Variants in APBB2 observed in about 807,000 individuals in gnomAD.
APBB2 encodes amyloid beta precursor protein binding family B member 2, also known as Fe65-like 1.
A neutral mutation model predicts 82.5 loss-of-function variants in APBB2; 38 were observed. The ratio of observed to expected loss-of-function variants is 0.46; its 90% CI spans 0.36 to 0.60. The LOEUF is 0.60. Ranked by LOEUF, APBB2 falls within the 20% of genes least tolerant of loss-of-function variation. APBB2 has a pLI of 0.00. For synonymous variants in APBB2, 341 were observed against 368.2 expected (o/e 0.93, Z 0.85); for missense variants, 772 against 972.3 (o/e 0.79, Z 2.74).
At chr4:41,099,922 C>T (rs1744792817) in intron 3 of APBB2, among the ~76,000 whole-genome samples, 1 of 151,934 alleles carries the variant, frequency 6.6e-6, no homozygotes, top group Admixed American at 6.6e-5. Context: ...CATTTGGTCA[C>T]TCATAATTCC....
intron 5 of APBB2, among the ~76,000 whole-genome samples, chr4:41,016,066 T>C (rs567621063): frequency 3.3e-5 from 5 of 151,238 alleles, no homozygotes; most frequent in East Asian, 3.9e-4. Context: ...ACATGAAGTT[T>C]TCCCTGAGAC....
intron 12 of APBB2, among the ~76,000 whole-genome samples, chr4:40,843,659 G>A (rs1756641729): frequency 6.6e-6 from 1 of 152,174 alleles, no homozygotes; most frequent in Admixed American, 6.5e-5. Flanking sequence ...AGTACTGAAG[G>A]AAAGCCATTG....
At chr4:40,932,626 T>C (rs1784470898) in intron 10 of APBB2, among the ~76,000 whole-genome samples, 1 of 151,968 alleles carries the variant, frequency 6.6e-6, no homozygotes, top group Non-Finnish European at 1.5e-5. Context: ...AGATTCTTTC[T>C]CTCTCCATGG....
At chr4:40,955,852 T>C (rs1228482839) in intron 6 of APBB2, among the ~76,000 whole-genome samples, 1 of 152,108 alleles carries the variant, frequency 6.6e-6, no homozygotes, top group Non-Finnish European at 1.5e-5. Flanking sequence ...CTCGGCTCAA[T>C]GCAACCTCCA....
At chr4:40,990,069 G>C (rs1801587016) in intron 6 of APBB2, 1 of 152,222 alleles carries the variant, frequency 6.6e-6, no homozygotes, top group Admixed American at 6.5e-5. Context: ...AACCACCCAA[G>C]TGTCCATCCA....
chr4:40,847,807 G>A (rs1192639297), intron 12 of APBB2, among the ~76,000 whole-genome samples: 1 of 150,204 alleles, frequency 6.7e-6, no homozygotes, highest in Non-Finnish European at 1.5e-5. Flanking sequence ...GTTTTTGCTT[G>A]CTTTTTTTTT....
chr4:40,895,510 C>T (rs1483764692), intron 10 of APBB2, among the ~76,000 whole-genome samples: 1 of 152,238 alleles, frequency 6.6e-6, no homozygotes, highest in Non-Finnish European at 1.5e-5. Flanking sequence ...CCTGCCTGCC[C>T]CTCCGCAGCT....
At chr4:41,075,192 C>A (rs1735264013) in intron 3 of APBB2, among the ~76,000 whole-genome samples, 1 of 152,150 alleles carries the variant, frequency 6.6e-6, no homozygotes, top group South Asian at 2.1e-4. Context: ...TCTGGAGATA[C>A]AAAACCTTTA....
chr4:41,113,281 G>A (rs1580143740), intron 2 of APBB2, among the ~76,000 whole-genome samples: 1 of 152,158 alleles, frequency 6.6e-6, no homozygotes, highest in South Asian at 2.1e-4. Context: ...TTTGGTGTTA[G>A]ATAGGGATAT....
intron 4 of APBB2, among the ~76,000 whole-genome samples, chr4:41,039,001 T>C (rs573642974): frequency 6.6e-6 from 1 of 152,226 alleles, no homozygotes; most frequent in Non-Finnish European, 1.5e-5. Flanking sequence ...ATAACATCAA[T>C]TGCAAAATGC....
chr4:40,913,831 G>A (rs999874419), intron 10 of APBB2, among the ~76,000 whole-genome samples: 7 of 152,068 alleles, frequency 4.6e-5, no homozygotes, highest in African/African-American at 1.7e-4. Context: ...TTTTAAGTGC[G>A]AGAAGGCTAT....
At chr4:40,995,931 A>G (rs1485763827) in intron 6 of APBB2, among the ~76,000 whole-genome samples, 2 of 152,220 alleles carry the variant, frequency 1.3e-5, no homozygotes, top group East Asian at 3.9e-4. Context: ...AAGCCTCCCA[A>G]CATACTGGGA....
intron 10 of APBB2, among the ~76,000 whole-genome samples, chr4:40,931,871 T>A (rs955569296): frequency 3.9e-5 from 6 of 152,104 alleles, no homozygotes; most frequent in African/African-American, 1.2e-4. Flanking sequence ...AAGACACAGA[T>A]GAATAATACA....
intron 12 of APBB2, among the ~76,000 whole-genome samples, chr4:40,876,040 A>G (rs1289578420): frequency 6.6e-6 from 1 of 152,166 alleles, no homozygotes; most frequent in Non-Finnish European, 1.5e-5. Context: ...ACCTTTTCAA[A>G]TTCTTGAAAG....
chr4:41,146,250 C>A (rs1760683859), intron 1 of APBB2, among the ~76,000 whole-genome samples: 1 of 147,526 alleles, frequency 6.8e-6, no homozygotes, highest in Admixed American at 7.0e-5. Context: ...CACTTGAACC[C>A]AGGAGGAGGA....
intron 12 of APBB2, among the ~76,000 whole-genome samples, chr4:40,835,810 A>G (rs1281767366): frequency 6.6e-6 from 1 of 152,222 alleles, no homozygotes; most frequent in Non-Finnish European, 1.5e-5. Flanking sequence ...TGCAGGCTAA[A>G]TCAGCATCTG....
intron 1 of APBB2, among the ~76,000 whole-genome samples, chr4:41,179,812 G>T (rs13434982): frequency 2.0e-4 from 31 of 152,052 alleles, no homozygotes; most frequent in Middle Eastern, 3.4e-3. Flanking sequence ...GACACATACT[G>T]GCATAAAAAA....
At chr4:40,861,823 C>T (rs1480949263) in intron 12 of APBB2, among the ~76,000 whole-genome samples, 5 of 142,918 alleles carry the variant, frequency 3.5e-5, no homozygotes, top group African/African-American at 1.1e-4. Flanking sequence ...TTTCTTTTTT[C>T]TTTCTAAAAA....
intron 1 of APBB2, among the ~76,000 whole-genome samples, chr4:41,151,721 C>A (rs1762320895): frequency 6.6e-6 from 1 of 151,672 alleles, no homozygotes; most frequent in Admixed American, 6.6e-5. Context: ...AGTCAGCTCT[C>A]AGTCTGATAA....
Sources: allele counts gnomAD v4.1 joint callset (sites outside exome capture counted in the v4.1 genomes callset), GRCh38; gene constraint gnomAD v4.1.1; transcripts MANE v1.5; gene names NCBI Gene and HGNC (gene_info 2026-07-23, HGNC 2026-07-21).